The following ZHX1 variants were observed in gnomAD, a reference collection of about 807,000 sequenced individuals.
ZHX1 encodes the protein zinc fingers and homeoboxes 1.
In ZHX1, 20 loss-of-function variants were observed where a neutral mutation model predicts 61.8. The observed-to-expected ratio is 0.32, with a 90% confidence interval of 0.23 to 0.47. The LOEUF (loss-of-function observed/expected upper bound fraction) is 0.47, where lower values mean the gene tolerates loss of function less well. Among genes scored for constraint, ZHX1 ranks in the 20% least tolerant of loss-of-function variants. ZHX1 has a pLI of 1.00. For missense variants in ZHX1, 800 were observed against 1,034.8 expected, an observed-to-expected ratio of 0.77 and a Z score of 3.11; for synonymous variants, 318 against 352.6, an observed-to-expected ratio of 0.90 and a Z score of 1.10.
chr8:123,254,584 G>C lies in ZHX1; in HGVS notation c.1363C>G (p.His455Asp), dbSNP rs192954126. ...AAVPTSQSVK[H>D]ETALVNPDSF... ...TCAGGGTTTACCAATGCAGTTTCAT[G>C]TTTGACACTTTGAGAAGTTGGAACT... The change falls in exon 3 of 4, where the codon CAT becomes GAT. Residue 455 changes from histidine to aspartate, a missense_variant. Physicochemically the swap from His to Asp is moderately conservative, Grantham distance 81. Coordinates refer to ENST00000395571, the MANE Select transcript of ZHX1 (RefSeq NM_007222.5). This position sits in a 1 kb window ranked among gnomAD's most constrained non-coding sequence, Gnocchi z 4.1. 6.2e-7 allele frequency: 1 copy of C among 1,614,184 alleles called. No individual in the cohort carries two copies. Among genetic ancestry groups the C allele is most frequent in the African/African-American group, 1.3e-5 (1 of 75,046 alleles).
At chr8:123,256,763 C>CA (rs746243163) in intron 2 of ZHX1, among the ~76,000 whole-genome samples, 2,190 of 112,532 alleles carry the variant, frequency 0.019, 23 homozygotes, top group African/African-American at 0.03. Flanking sequence ...GACTCCATCT[C>CA]AAAAAAAAAA....
At chr8:123,261,605 A>AG (rs1826270346) in intron 2 of ZHX1, among the ~76,000 whole-genome samples, 2 of 152,206 alleles carry the variant, frequency 1.3e-5, no homozygotes, top group Admixed American at 6.5e-5. Context: ...GCAGTAAGAA[A>AG]GATATCAGTA....
chr8:123,265,353 CTG>C (rs1319715805), intron 2 of ZHX1, among the ~76,000 whole-genome samples: 115 of 152,100 alleles, frequency 7.6e-4, no homozygotes, highest in African/African-American at 2.7e-3. Context: ...GTTTGGGACT[CTG>C]TATTCTATTT....
intron 1 of ZHX1, among the ~76,000 whole-genome samples, chr8:123,272,265 G>T (rs1753250109): frequency 6.6e-6 from 1 of 151,968 alleles, no homozygotes; most frequent in Non-Finnish European, 1.5e-5. Flanking sequence ...GTCTGAAGAG[G>T]TACTTCAACA....
chr8:123,259,413 T>C (rs1826177867), intron 2 of ZHX1, among the ~76,000 whole-genome samples: 2 of 152,028 alleles, frequency 1.3e-5, no homozygotes, highest in Non-Finnish European at 2.9e-5. Flanking sequence ...TCAACACAGA[T>C]GTTTGATCAT....
chr8:123,268,629 T>C (rs962634746), intron 1 of ZHX1, among the ~76,000 whole-genome samples: 1 of 152,052 alleles, frequency 6.6e-6, no homozygotes, highest in Non-Finnish European at 1.5e-5. Flanking sequence ...GTAGCTGGGA[T>C]TACAGGCACA....
At chr8:123,266,758 A>G (rs1826472926) in intron 2 of ZHX1, among the ~76,000 whole-genome samples, 1 of 152,168 alleles carries the variant, frequency 6.6e-6, no homozygotes, top group Admixed American at 6.5e-5. Flanking sequence ...ATATTCAAAT[A>G]TTTAAGTTTT....
At chr8:123,264,642 G>C (rs1466991153) in intron 2 of ZHX1, among the ~76,000 whole-genome samples, 3 of 151,840 alleles carry the variant, frequency 2.0e-5, no homozygotes, top group Non-Finnish European at 4.4e-5. Flanking sequence ...CACTGCAACC[G>C]CCGCCTCCCA....
At chr8:123,275,161 G>A (rs1826803757), upstream of ZHX1, among the ~76,000 whole-genome samples, 1 of 152,252 alleles carries the variant, frequency 6.6e-6, no homozygotes, top group South Asian at 2.1e-4. Context: ...TTCTGTCCGA[G>A]TCGAGGGCTT....
At chr8:123,266,688 C>A (rs1421405997) in intron 2 of ZHX1, among the ~76,000 whole-genome samples, 2 of 151,996 alleles carry the variant, frequency 1.3e-5, no homozygotes, top group Non-Finnish European at 2.9e-5. Context: ...TTGAGAAAGG[C>A]ACATTTCACA....
At chr8:123,261,141 A>T (rs1826244389) in intron 2 of ZHX1, among the ~76,000 whole-genome samples, 1 of 152,228 alleles carries the variant, frequency 6.6e-6, no homozygotes, top group South Asian at 2.1e-4. Flanking sequence ...GTCCCAAAAG[A>T]GTTTCAAGAT....
rs769283036 is a variant in ZHX1 at position 123,254,882 on chromosome 8, T to C, written c.1065A>G (p.Gln355=). The C allele has an allele frequency of 6.2e-7, 1 of 1,614,238 alleles. No individual in the cohort carries two copies. Among genetic ancestry groups the C allele is most frequent in the South Asian group, 1.1e-5 (1 of 91,092 alleles). The change falls in exon 3 of 4, where the codon CAA becomes CAG. Residue 355 remains glutamine (Q), a synonymous_variant. Transcript: ENST00000395571. This position sits in a 1 kb window ranked among gnomAD's most constrained non-coding sequence, Gnocchi z 4.1. ...GTACAGTATGCACTGTTCCATTGAA[T>C]TGTTTCCTTCTTGCCTCCTCTACTT... is the stretch of plus-strand genomic sequence containing the variant. ...PEEVEEARRK[Q]FNGTVHTVPQ...
Position 123,264,806 on chromosome 8 carries a change from G to A in ZHX1, c.-226+2467C>T, listed in dbSNP as rs973260095. 3.4e-5 allele frequency among the ~76,000 whole-genome samples: 5 copies of A among 148,594 alleles called. No individual in the cohort carries two copies. The South Asian group carries it at 6.7e-4, about 20-fold the overall frequency. On this transcript the variant is annotated intron_variant, in intron 2 of 3. Coordinates refer to ENST00000395571, the MANE Select transcript of ZHX1 (RefSeq NM_007222.5). ...GAACTCCTGACATCATAATCCACCC[G>A]CCTCGGCCTCCCAAAGTGCTGGGAT... is the stretch of plus-strand genomic sequence containing the variant.
chr8:123,253,355 C>A lies in ZHX1; in HGVS notation c.2592G>T (p.Val864=), dbSNP rs368281491. ...CATCTGATTTAGACAGCTTCCGTTT[C>A]ACATGTCGTGGAGGTTCCCAAGTGT... ...DSDTWEPPRH[V]KRKLSKSDD is the part of the protein sequence containing the mutation. The change falls in exon 3 of 4, where the codon GTG becomes GTT. Residue 864 remains valine, a synonymous_variant. Coordinates refer to ENST00000395571, the MANE Select transcript of ZHX1 (RefSeq NM_007222.5). 15 of 1,611,064 alleles carry A rather than the reference C, an allele frequency of 9.3e-6. No homozygotes were observed. Among genetic ancestry groups the A allele is most frequent in the South Asian group, 1.1e-5 (1 of 90,532 alleles).
chr8:123,256,373 C>T (rs1326494397), intron 2 of ZHX1, among the ~76,000 whole-genome samples: 2 of 151,978 alleles, frequency 1.3e-5, no homozygotes, highest in African/African-American at 2.4e-5. Flanking sequence ...AGTACTTTAC[C>T]TTGGGTCAGA....
In ZHX1 at chr8:123,250,200, A is replaced by G. The variant is rs1266464145; in HGVS notation, c.*124T>C. The G allele has an allele frequency of 4.4e-6, 2 of 452,078 alleles. No homozygotes were observed. Among genetic ancestry groups the G allele is most frequent in the Admixed American group, 4.8e-5 (2 of 41,804 alleles). The allele number at this position is 452,078 out of a possible 1,614,324, so 28.0% of individuals were successfully genotyped here. On this transcript the variant is annotated 3_prime_UTR_variant, in exon 4 of 4. Transcript: ENST00000395571. ...AAGTTCCATTTCTTTTGGGTATTGGATCCTGCTTTTTGAGTGTGTATGCCC... is the reference window on the plus strand; with the variant it reads ...AAGTTCCATTTCTTTTGGGTATTGGGTCCTGCTTTTTGAGTGTGTATGCCC...
chr8:123,249,696 T>C lies in ZHX1; in HGVS notation c.*628A>G, dbSNP rs898582702. ...ATGTGTTTAATGAAGGATCCAATTA[T>C]TAAGGGCCAGTGAAACCATAAAATC... On this transcript the variant is annotated 3_prime_UTR_variant, in exon 4 of 4. Transcript: ENST00000395571. The C allele has an allele frequency of 2.0e-5, 3 of 152,132 alleles. No individual in the cohort carries two copies. Among genetic ancestry groups the C allele is most frequent in the Non-Finnish European group, 4.4e-5 (3 of 67,996 alleles). 9.4% of individuals were successfully genotyped at this position (152,132 alleles called of 1,614,324 possible).
intron 2 of ZHX1, among the ~76,000 whole-genome samples, chr8:123,260,160 AAAAAGAAAAAAAGAAAG>A (rs992937891): frequency 4.6e-5 from 7 of 151,720 alleles, no homozygotes; most frequent in African/African-American, 1.7e-4. Context: ...TCTGTCTCAA[AAAAAGAAAAAAAGAAAG>A]AAAAGAAAAA....
chr8:123,272,242 T>C (rs181225858), intron 1 of ZHX1, among the ~76,000 whole-genome samples: 17 of 152,354 alleles, frequency 1.1e-4, no homozygotes, highest in African/African-American at 3.8e-4. Flanking sequence ...TAATCCTGAT[T>C]GTCAAATAAG....
Sources: allele counts gnomAD v4.1 joint callset (sites outside exome capture counted in the v4.1 genomes callset), GRCh38; gene constraint gnomAD v4.1.1; non-coding constraint Gnocchi (gnomAD v3.1); transcripts MANE v1.5; gene names NCBI Gene and HGNC (gene_info 2026-07-23, HGNC 2026-07-21).